Variants in MCF2 observed in about 807,000 individuals in gnomAD.
MCF2 encodes the protein MCF.2 cell line derived transforming sequence.
A neutral mutation model predicts 82.5 loss-of-function variants in MCF2; 44 were observed. That is an observed-to-expected ratio of 0.53 (90% confidence interval 0.42 to 0.69). The LOEUF (loss-of-function observed/expected upper bound fraction) is 0.69, where lower values mean the gene tolerates loss of function less well. Ranked by LOEUF, MCF2 falls within the 30% of genes least tolerant of loss-of-function variation. The pLI, the probability that MCF2 is intolerant of heterozygous loss-of-function variation, is 0.00. For missense variants in MCF2, 623 were observed against 663.1 expected, an observed-to-expected ratio of 0.94 and a Z score of 0.66; for synonymous variants, 217 against 224.9, an observed-to-expected ratio of 0.96 and a Z score of 0.32.
At chrX:139,701,556 G>A (rs1043069388) in intron 1 of MCF2, among the ~76,000 whole-genome samples, 2 of 111,667 alleles carry the variant, frequency 1.8e-5, no homozygotes, top group African/African-American at 6.5e-5. Context: ...TTTCCAGCCT[G>A]CTGGCCTGCT....
At chrX:139,626,699 G>A in exon 5 of MCF2, 2 of 1,206,245 alleles carry the variant, frequency 1.7e-6, no homozygotes, top group Non-Finnish European at 2.2e-6. Flanking sequence ...TCAGTGTCAG[G>A]CACTTCCAGA....
At chrX:139,608,830 G>T (rs1415728455) in intron 11 of MCF2, among the ~76,000 whole-genome samples, 1 of 111,636 alleles carries the variant, frequency 9.0e-6, no homozygotes, top group African/African-American at 3.3e-5. Flanking sequence ...GGCTCAGACA[G>T]ATTTTACAAC....
At chrX:139,687,051 C>T (rs1011809088) in intron 1 of MCF2, among the ~76,000 whole-genome samples, 3 of 34,853 alleles carry the variant, frequency 8.6e-5, no homozygotes, top group African/African-American at 1.2e-4. Context: ...ACACACACAA[C>T]ACACACACAC....
At chrX:139,641,375 G>C (rs1022148081) in intron 1 of MCF2, among the ~76,000 whole-genome samples, 2 of 109,950 alleles carry the variant, frequency 1.8e-5, no homozygotes, top group Admixed American at 2.0e-4. Flanking sequence ...CATGTATAGA[G>C]CCAAAGATAT....
intron 24 of MCF2, among the ~76,000 whole-genome samples, chrX:139,583,050 A>G (rs775533938): frequency 9.9e-5 from 11 of 111,662 alleles, no homozygotes; most frequent in African/African-American, 3.2e-4. Flanking sequence ...TTAAGACACT[A>G]TTTGCCTTTT....
At chrX:139,618,764 C>G (rs1932117654) in intron 7 of MCF2, among the ~76,000 whole-genome samples, 1 of 111,411 alleles carries the variant, frequency 9.0e-6, no homozygotes, top group Non-Finnish European at 1.9e-5. Flanking sequence ...AAAAGCATGG[C>G]CTTGCTCTCA....
At chrX:139,621,652 G>A (rs1380974133) in intron 6 of MCF2, among the ~76,000 whole-genome samples, 1 of 111,510 alleles carries the variant, frequency 9.0e-6, no homozygotes, top group Non-Finnish European at 1.9e-5. Context: ...TTAATAAATG[G>A]TGCTGGGAAA....
At chrX:139,645,524 TA>T, upstream of MCF2, 1 of 843,913 alleles carries the variant, frequency 1.2e-6, no homozygotes. Flanking sequence ...AAGTATAATA[TA>T]AAACAAAAAT....
At chrX:139,646,287 CTTT>C (rs35016967), upstream of MCF2, among the ~76,000 whole-genome samples, 18,507 of 110,477 alleles carry the variant, frequency 0.17, 1,298 homozygotes, top group South Asian at 0.35. Flanking sequence ...AAAATTTTGT[CTTT>C]AACACACATA....
intron 1 of MCF2, among the ~76,000 whole-genome samples, chrX:139,700,348 T>A (rs1302553759): frequency 8.9e-6 from 1 of 111,743 alleles, no homozygotes; most frequent in Non-Finnish European, 1.9e-5. Flanking sequence ...TTCTCAATCA[T>A]CCTGTCTGGA....
chrX:139,584,128 C>CTTTTTTTT (rs1163854425), intron 24 of MCF2, among the ~76,000 whole-genome samples: 8 of 72,626 alleles, frequency 1.1e-4, no homozygotes, highest in Admixed American at 1.7e-4. Flanking sequence ...TGCCATTATC[C>CTTTTTTTT]TTTTTTTTTT....
chrX:139,629,751 T>C (rs751248801), exon 4 of MCF2: 17 of 1,202,775 alleles, frequency 1.4e-5, no homozygotes, highest in Middle Eastern at 2.3e-4. Context: ...ATTGAGGGAA[T>C]ATCATCTGGT....
At chrX:139,604,319 C>CAA (rs35554292) in intron 15 of MCF2, among the ~76,000 whole-genome samples, 2,860 of 98,644 alleles carry the variant, frequency 0.029, 115 homozygotes, top group African/African-American at 0.094. Context: ...GTTTTTTAGG[C>CAA]AAAAAAAAAA....
chrX:139,629,974 T>A, intron 3 of MCF2, 130 bp from the exon 7 acceptor site: 1 of 419,612 alleles, frequency 2.4e-6, no homozygotes, highest in Non-Finnish European at 4.1e-6. Context: ...TCTCCTCTGC[T>A]AGAGAAATAT....
In MCF2 at chrX:139,605,350, T is replaced by C. The variant is rs190414863; in HGVS notation, c.1557+363A>G. The stretch of plus-strand genomic sequence containing the variant: ...AAATTGGCAATACGTGCTTAGGTTT[T>C]TTCAGACCAAATTAATATCATGACA... On this transcript the variant is annotated intron_variant, in intron 13 of 24. Coordinates refer to ENST00000370576, the Ensembl canonical transcript of MCF2. Among the ~76,000 whole-genome samples, 20 of 111,388 alleles carry C rather than the reference T, an allele frequency of 1.8e-4. No homozygotes were observed. In the East Asian group the frequency reaches 4.5e-3, roughly 25 times the overall value.
chrX:139,631,074 C>T (rs1285572150), intron 3 of MCF2, among the ~76,000 whole-genome samples: 2 of 111,462 alleles, frequency 1.8e-5, no homozygotes, highest in African/African-American at 3.2e-5. Flanking sequence ...ATCAGCAGGG[C>T]CAGGATTTGA....
chrX:139,653,027 T>C (rs1265503246), intron 1 of MCF2, among the ~76,000 whole-genome samples: 1 of 112,380 alleles, frequency 8.9e-6, no homozygotes, highest in Non-Finnish European at 1.9e-5. Context: ...ATCTAATTTG[T>C]CAATACATAA....
chrX:139,583,774 T>C (rs990098494), intron 24 of MCF2, among the ~76,000 whole-genome samples: 3 of 111,170 alleles, frequency 2.7e-5, no homozygotes. Flanking sequence ...AAGTATTTTT[T>C]AAAAGATATA....
intron 16 of MCF2, among the ~76,000 whole-genome samples, chrX:139,599,336 T>C (rs926313282): frequency 3.7e-5 from 4 of 107,905 alleles, no homozygotes; most frequent in Non-Finnish European, 1.9e-5. Flanking sequence ...GACAACCAAC[T>C]AAAATGATGG....
Sources: allele counts gnomAD v4.1 joint callset (sites outside exome capture counted in the v4.1 genomes callset), GRCh38; gene constraint gnomAD v4.1.1; transcripts MANE v1.5; gene names NCBI Gene and HGNC (gene_info 2026-07-23, HGNC 2026-07-21).